GSK3A: variants seen among roughly 807,000 people sequenced by gnomAD.
The protein encoded by GSK3A is glycogen synthase kinase-3 alpha.
A neutral mutation model predicts 56.6 loss-of-function variants in GSK3A; 14 were observed. The observed-to-expected ratio is 0.25, with a 90% CI of 0.16 to 0.39. The LOEUF is 0.39. GSK3A is among the 10% of genes least tolerant of loss of function. The pLI is 1.00. For synonymous variants in GSK3A, 301 were observed against 285.0 expected (o/e 1.06, Z -0.56); for missense variants, 450 against 656.0 (o/e 0.69, Z 3.43).
At position 42,232,482 on chromosome 19, in the gene GSK3A, G is replaced by A; in HGVS notation, c.1285+14C>T. The A allele has an allele frequency of 6.2e-7, 1 of 1,613,276 alleles. No homozygotes were observed. The highest frequency in any genetic ancestry group is 8.5e-7 in the Non-Finnish European group (1 of 1,179,404). On this transcript the variant is annotated intron_variant, in intron 9 of 10. Transcript: ENST00000222330. Reference sequence around the variant, plus strand: ...ACCCCGCCCCACTCCCCAGATCCCAGGCTATGCCCTCACCACCAGCACTGA... The same window carrying A: ...ACCCCGCCCCACTCCCCAGATCCCAAGCTATGCCCTCACCACCAGCACTGA...
chr19:42,235,684 T>C (rs1475471991), intron 4 of GSK3A, among the ~76,000 whole-genome samples: 1 of 152,220 alleles, frequency 6.6e-6, no homozygotes, highest in Admixed American at 6.5e-5. Flanking sequence ...CAGAATTCCC[T>C]GTGCTCCTTC....
rs116064588 is a variant in GSK3A at position 42,234,955 on chromosome 19, C to T, written c.667-277G>A. Among the ~76,000 whole-genome samples the T allele has an allele frequency of 0.023, 3,444 of 152,244 alleles. 128 individuals carry two copies. Among genetic ancestry groups the T allele is most frequent in the African/African-American group, 0.078 (3,223 of 41,512 alleles). ...CAGCCTCGCCAACATGTTGAGATCC[C>T]GTCTCTACTAAAAATACAAAAATTA... On this transcript the variant is annotated intron_variant, in intron 4 of 10. Coordinates refer to ENST00000222330, the MANE Select transcript of GSK3A (RefSeq NM_019884.3). This position sits in a 1 kb window ranked among gnomAD's most constrained non-coding sequence, Gnocchi z 5.7.
intron 4 of GSK3A, 85 bp downstream of exon 4, chr19:42,236,521 G>A (rs563350927): frequency 4.6e-5 from 39 of 840,974 alleles, no homozygotes; most frequent in South Asian, 9.3e-5. Flanking sequence ...TAAACTTGGC[G>A]GATGAGGGAT....
intron 2 of GSK3A, 36 bp downstream of exon 2, chr19:42,239,919 C>G: frequency 6.3e-7 from 1 of 1,581,740 alleles, no homozygotes; most frequent in Non-Finnish European, 8.7e-7. Context: ...CACACCCAGT[C>G]CCCAAACCTC....
intron 10 of GSK3A, among the ~76,000 whole-genome samples, chr19:42,231,774 A>C (rs915537782): frequency 6.3e-5 from 8 of 126,148 alleles, no homozygotes; most frequent in Non-Finnish European, 1.2e-4. Flanking sequence ...TCTATTGCAC[A>C]AAAAAAAAAA....
chr19:42,231,589 C>T (rs1568464799), intron 10 of GSK3A, among the ~76,000 whole-genome samples: 1 of 152,140 alleles, frequency 6.6e-6, no homozygotes, highest in Non-Finnish European at 1.5e-5. Context: ...GTCTGGCCAA[C>T]ATGGTGAAAC....
intron 1 of GSK3A, 21 bp downstream of exon 1, chr19:42,242,162 A>G (rs1208260579): frequency 7.4e-7 from 1 of 1,356,902 alleles, no homozygotes. Flanking sequence ...ACCACCCTAC[A>G]CGGGCGCCAC....
chr19:42,242,165 G>T lies in GSK3A; in HGVS notation c.283+18C>A. The stretch of plus-strand genomic sequence containing the variant: ...GGAACCCTAATCACCACCCTACACG[G>T]GCGCCACTAGTACTCACGGCCCAGC... On this transcript the variant is annotated intron_variant, in intron 1 of 10. Coordinates refer to ENST00000222330, the MANE Select transcript of GSK3A (RefSeq NM_019884.3). 1 of 1,362,318 alleles carries T rather than the reference G, an allele frequency of 7.3e-7. No individual in the cohort carries two copies. The highest frequency in any genetic ancestry group is 3.0e-5 in the East Asian group (1 of 33,412). 84.4% of individuals were successfully genotyped at this position (1,362,318 alleles called of 1,614,324 possible).
rs191417746 is a variant in GSK3A at position 42,237,810 on chromosome 19, C to T, written c.472-869G>A. 6.2e-3 allele frequency among the ~76,000 whole-genome samples: 942 copies of T among 151,886 alleles called. 6 individuals carry two copies. The highest frequency in any genetic ancestry group is 0.022 in the African/African-American group (896 of 41,490). ...AGGAGAATGGCGTGAACCCAGGAGG[C>T]GGAGCTTGCAGTGAGCTGAGATCGC... On this transcript the variant is annotated intron_variant, in intron 2 of 10. Transcript: ENST00000222330.
chr19:42,233,931 C>T (rs2036241067), intron 6 of GSK3A, among the ~76,000 whole-genome samples: 1 of 152,170 alleles, frequency 6.6e-6, no homozygotes, highest in African/African-American at 2.4e-5. Context: ...TCCCCTCATG[C>T]CTGGAAAATG....
chr19:42,230,918 C>T, intron 10 of GSK3A, 51 bp from the exon 11 acceptor site: 1 of 1,227,166 alleles, frequency 8.1e-7, no homozygotes, highest in Non-Finnish European at 1.2e-6. Context: ...TTCAGACACC[C>T]CTTCGCCCAA....
intron 3 of GSK3A, 64 bp downstream of exon 3, chr19:42,236,794 G>GGGGAAA: frequency 6.7e-7 from 1 of 1,489,584 alleles, no homozygotes; most frequent in African/African-American, 1.4e-5. Flanking sequence ...GGGAGCAGTG[G>GGGGAAA]GGGAAAGGCA....
At chr19:42,235,571 C>T in intron 4 of GSK3A, among the ~76,000 whole-genome samples, 1 of 152,194 alleles carries the variant, frequency 6.6e-6, no homozygotes, top group East Asian at 1.9e-4. Flanking sequence ...TCCAGTTCCC[C>T]TCGGCCAAAG....
Position 42,239,967 on chromosome 19 carries a change from G to A in GSK3A, c.459C>T (p.Asp153=), listed in dbSNP as rs2036281371. ...CCGCCCAAGCTACCTTGAACCTCTT[G>A]TCCTGGAGAACCTTCTTGATGGCGA... is the stretch of plus-strand genomic sequence containing the variant. ...ELVAIKKVLQ[D]KRFKNRELQI... Residue 153 remains aspartate, a synonymous_variant, in exon 2 of 11, where the codon GAC becomes GAT. Coordinates refer to ENST00000222330, the MANE Select transcript of GSK3A (RefSeq NM_019884.3). The A allele has an allele frequency of 1.2e-6, 2 of 1,613,988 alleles. No homozygotes were observed. Among genetic ancestry groups the A allele is most frequent in the Non-Finnish European group, 1.7e-6 (2 of 1,179,942 alleles).
intron 10 of GSK3A, 116 bp downstream of exon 10, chr19:42,231,941 C>A: frequency 1.6e-6 from 1 of 612,194 alleles, no homozygotes. Context: ...GTTTCCTATG[C>A]CATCAAAATG....
chr19:42,238,539 G>A (rs913899694), intron 2 of GSK3A, among the ~76,000 whole-genome samples: 3 of 149,372 alleles, frequency 2.0e-5, no homozygotes, highest in Admixed American at 6.7e-5. Context: ...CCCGGCAGGC[G>A]GAGGTTGCAG....
At position 42,234,405 on chromosome 19, in the gene GSK3A, G is replaced by A. The variant is rs1468660349; in HGVS notation, c.852C>T (p.Tyr284=). The A allele has an allele frequency of 1.3e-5, 21 of 1,614,070 alleles. No individual in the cohort carries two copies. The highest frequency in any genetic ancestry group is 1.7e-5 in the Admixed American group (1 of 60,008). ...EPNVSYICSR[Y]YRAPELIFGA... is the part of the protein sequence containing the mutation. ...CAAAGATGAGCTCTGGGGCCCGGTA[G>A]TAGCGAGAACAGATGTAGGAGACAT... is the stretch of plus-strand genomic sequence containing the variant. Residue 284 remains tyrosine, a synonymous_variant, in exon 6 of 11, where the codon TAC becomes TAT. Transcript: ENST00000222330. This position sits in a 1 kb window ranked among gnomAD's most constrained non-coding sequence, Gnocchi z 5.7.
chr19:42,239,847 C>G, intron 2 of GSK3A, 108 bp downstream of exon 2: 1 of 847,446 alleles, frequency 1.2e-6, no homozygotes, highest in South Asian at 1.6e-5. Flanking sequence ...TCCCCCTTCT[C>G]TTCTGGCCCA....
chr19:42,233,250 G>GCCCCCC, intron 7 of GSK3A, 36 bp downstream of exon 7: 2 of 1,565,000 alleles, frequency 1.3e-6, no homozygotes, highest in Non-Finnish European at 1.8e-6. Context: ...CCATCCCTCA[G>GCCCCCC]CCCCACCCCC....
Sources: gnomAD v4.1 joint callset for allele counts (sites outside exome capture counted in the v4.1 genomes callset) on GRCh38, gnomAD v4.1.1 for gene constraint, Gnocchi (gnomAD v3.1) non-coding constraint, MANE v1.5 for transcripts, NCBI Gene and HGNC (gene_info 2026-07-23, HGNC 2026-07-21) for gene names.